SENP7: variants seen among roughly 807,000 people sequenced by gnomAD.
The protein encoded by SENP7 is sentrin-specific protease 7.
Under a neutral mutation model 141.2 loss-of-function variants are expected in SENP7, and 64 were observed. The observed-to-expected ratio is 0.45, with a 90% CI of 0.37 to 0.56. The LOEUF is 0.56. Among genes scored for constraint, SENP7 ranks in the 20% least tolerant of loss-of-function variants. SENP7 has a pLI of 0.00. For missense variants in SENP7, 1,025 were observed against 1,212.2 expected (o/e 0.85, Z 2.29); for synonymous variants, 382 against 426.4 (o/e 0.90, Z 1.28).
chr3:101,344,291 A>G (rs1234915118), intron 13 of SENP7, among the ~76,000 whole-genome samples: 3 of 152,058 alleles, frequency 2.0e-5, no homozygotes, highest in African/African-American at 7.2e-5. Flanking sequence ...TTATGAATCA[A>G]CTCTATCAAC....
chr3:101,343,585 C>T, intron 14 of SENP7, 101 bp downstream of exon 14: 4 of 1,259,644 alleles, frequency 3.2e-6, no homozygotes, highest in African/African-American at 1.5e-5. Context: ...GTTCCTATGC[C>T]CTTTTCACAA....
chr3:101,407,968 T>C (rs2061350518), intron 5 of SENP7, among the ~76,000 whole-genome samples: 1 of 150,880 alleles, frequency 6.6e-6, no homozygotes, highest in Non-Finnish European at 1.5e-5. Flanking sequence ...ACAAAAAAAA[T>C]ACAAAAGATA....
At chr3:101,458,896 C>A in intron 4 of SENP7, 59 bp downstream of exon 4, 3 of 1,008,776 alleles carry the variant, frequency 3.0e-6, no homozygotes, top group South Asian at 1.5e-5. Flanking sequence ...TTAAATGAAT[C>A]ATTTATGGTC....
In SENP7 at chr3:101,325,779, A is replaced by C. The variant is rs1382445021; in HGVS notation, c.*164T>G. 1 of 491,350 alleles carries C rather than the reference A, an allele frequency of 2.0e-6. No homozygotes were observed. The highest frequency in any genetic ancestry group is 3.3e-6 in the Non-Finnish European group (1 of 302,694). 30.4% of individuals were successfully genotyped at this position (491,350 alleles called of 1,614,324 possible). A position where few individuals can be genotyped will look rare whatever the true frequency, so the allele number is the denominator to read the frequency against. On this transcript the variant is annotated 3_prime_UTR_variant, in exon 24 of 24. Coordinates refer to ENST00000394095, the MANE Select transcript of SENP7 (RefSeq NM_020654.5). ...ATTCCCATTCCATCTATGAGATCCC[A>C]ACAATTCTAATAATGTGTCCTACAT...
intron 4 of SENP7, among the ~76,000 whole-genome samples, chr3:101,423,590 T>C (rs1175734321): frequency 6.6e-6 from 1 of 152,078 alleles, no homozygotes; most frequent in African/African-American, 2.4e-5. Context: ...CCCAACACAG[T>C]GGCTGACTAG....
At chr3:101,500,660 T>C (rs1330420307) in intron 2 of SENP7, among the ~76,000 whole-genome samples, 2 of 152,040 alleles carry the variant, frequency 1.3e-5, no homozygotes, top group Non-Finnish European at 2.9e-5. Flanking sequence ...GTAGAAGAAA[T>C]AAATGAAAAA....
intron 6 of SENP7, among the ~76,000 whole-genome samples, chr3:101,396,815 G>A (rs1400349064): frequency 1.2e-4 from 19 of 152,106 alleles, no homozygotes; most frequent in Non-Finnish European, 1.0e-4. Flanking sequence ...CTGCAACGTG[G>A]ATAGGTACTT....
intron 5 of SENP7, among the ~76,000 whole-genome samples, chr3:101,415,743 T>C (rs1053398981): frequency 1.4e-5 from 2 of 141,254 alleles, no homozygotes; most frequent in Non-Finnish European, 1.6e-5. Flanking sequence ...CAAATACCAT[T>C]TTTGCCTGGG....
chr3:101,368,413 CATGTCCTTTGTAGGG>C (rs531744189), intron 7 of SENP7, among the ~76,000 whole-genome samples: 72 of 151,808 alleles, frequency 4.7e-4, no homozygotes, highest in South Asian at 3.7e-3. Context: ...AGGATGAGTT[CATGTCCTTTGTAGGG>C]ATATGGATGA....
intron 11 of SENP7, chr3:101,357,266 G>A (rs1048941848): frequency 2.9e-5 from 14 of 485,958 alleles, no homozygotes; most frequent in African/African-American, 2.8e-4. Context: ...CTCCCAAAGT[G>A]CTGAGATTAC....
At chr3:101,391,861 C>T (rs1175164008) in intron 6 of SENP7, among the ~76,000 whole-genome samples, 1 of 152,134 alleles carries the variant, frequency 6.6e-6, no homozygotes, top group Non-Finnish European at 1.5e-5. Flanking sequence ...TCCAACCACA[C>T]ATCAAAAAAG....
intron 3 of SENP7, among the ~76,000 whole-genome samples, chr3:101,459,399 G>C (rs1201606369): frequency 1.3e-5 from 2 of 152,076 alleles, no homozygotes; most frequent in Non-Finnish European, 2.9e-5. Context: ...TAAAGTAACT[G>C]TACTTATAAC....
At chr3:101,402,857 C>T (rs1339358649) in intron 5 of SENP7, among the ~76,000 whole-genome samples, 2 of 152,272 alleles carry the variant, frequency 1.3e-5, no homozygotes, top group Non-Finnish European at 2.9e-5. Flanking sequence ...CAAGAGAATT[C>T]GTGTTGTTTT....
chr3:101,465,274 A>C (rs1460008575), intron 3 of SENP7, among the ~76,000 whole-genome samples: 1 of 151,982 alleles, frequency 6.6e-6, no homozygotes, highest in Non-Finnish European at 1.5e-5. Context: ...CCTTCCAAAA[A>C]CCTGAGGACA....
chr3:101,365,565 G>C lies in SENP7; in HGVS notation c.1319-574C>G, dbSNP rs533573434. Among the ~76,000 whole-genome samples the C allele has an allele frequency of 2.3e-4, 34 of 150,142 alleles. No individual in the cohort carries two copies. In the East Asian group the frequency reaches 2.8e-3, roughly 12 times the overall value. On this transcript the variant is annotated intron_variant, in intron 9 of 23. Transcript: ENST00000394095. ...TAAGGAGATTACTTGAGCCCAGGAG[G>C]GGGAGGTTGCAGTGAGCCAAGATCG...
chr3:101,493,711 G>C (rs1291355187), intron 3 of SENP7, among the ~76,000 whole-genome samples, 162 bp downstream of exon 3: 1 of 151,934 alleles, frequency 6.6e-6, no homozygotes, highest in Non-Finnish European at 1.5e-5. Context: ...TAACCTCAAA[G>C]TATCATTTCA....
At position 101,367,827 on chromosome 3, in the gene SENP7, T is replaced by C. The variant is rs746059864; in HGVS notation, c.978+3A>G. ...CCTATAATATCTAAATACCTCTACT[T>C]ACTGTCTGTTCTGTTGACTTATCCA... On this transcript the variant is annotated splice_donor_region_variant and intron_variant, in intron 8 of 23. Transcript: ENST00000394095. The C allele has an allele frequency of 1.3e-6, 2 of 1,554,018 alleles. No individual in the cohort carries two copies. Among genetic ancestry groups the C allele is most frequent in the East Asian group, 2.3e-5 (1 of 43,728 alleles).
chr3:101,422,665 CACTT>C (rs1359478281), intron 4 of SENP7, among the ~76,000 whole-genome samples: 2 of 152,174 alleles, frequency 1.3e-5, no homozygotes, highest in African/African-American at 2.4e-5. Context: ...TACTAATACT[CACTT>C]AATTTTTTAT....
chr3:101,431,508 C>CTTTTTTTTTTTTTTT (rs56937965), intron 4 of SENP7, among the ~76,000 whole-genome samples: 3 of 82,908 alleles, frequency 3.6e-5, no homozygotes, highest in African/African-American at 9.9e-5. Context: ...GCAACCCCTG[C>CTTTTTTTTTTTTTTT]TTTTTTTTTT....
Sources: allele counts gnomAD v4.1 joint callset (sites outside exome capture counted in the v4.1 genomes callset), GRCh38; gene constraint gnomAD v4.1.1; transcripts MANE v1.5; gene names NCBI Gene and HGNC (gene_info 2026-07-23, HGNC 2026-07-21).